FAAH2: variants seen among roughly 807,000 people sequenced by gnomAD.
The protein encoded by FAAH2 is fatty-acid amide hydrolase 2.
Under a neutral mutation model 36.9 loss-of-function variants are expected in FAAH2, and 60 were observed. The ratio of observed to expected loss-of-function variants is 1.63; its 90% confidence interval spans 1.32 to 2.02. The LOEUF is 2.02. Among genes scored for constraint, FAAH2 ranks in the 30% most tolerant of loss-of-function variants. The probability of loss-of-function intolerance (pLI) is 0.00; values close to 1 mark genes in which losing one functional copy is unlikely to be tolerated. For synonymous variants in FAAH2, 214 were observed against 143.8 expected, an observed-to-expected ratio of 1.49 and a Z score of -3.49; for missense variants, 689 against 397.5, an observed-to-expected ratio of 1.73 and a Z score of -6.23.
chrX:57,443,451 A>G (rs1017863633), intron 8 of FAAH2, among the ~76,000 whole-genome samples: 1 of 111,398 alleles, frequency 9.0e-6, no homozygotes, highest in African/African-American at 3.3e-5. Flanking sequence ...CATGGTTTTC[A>G]GCTCCATGAG....
At chrX:57,188,469 T>C in the FAAH2 span, among the ~76,000 whole-genome samples, 2 of 110,813 alleles carry the variant, frequency 1.8e-5, no homozygotes, top group Non-Finnish European at 1.9e-5. Context: ...TTTATTAGTC[T>C]GGCTAGTGGT....
rs779096687 is a variant in FAAH2 at position 57,380,979 on chromosome X, T to A, written c.946T>A (p.Ser316Thr). ...TTACTGGATGGAACATGATGGAGGC[T>A]CATTTTTAATGTCCAAAGTGGACCA... Reference protein sequence around the residue: ...KFYWMEHDGGSFLMSKVDQDL... With the variant: ...KFYWMEHDGGTFLMSKVDQDL... Residue 316 changes from serine to threonine, a missense_variant, in exon 7 of 11, where the codon TCA (serine) becomes ACA (threonine). Ser to Thr is a moderately conservative substitution (Grantham distance 58, BLOSUM62 1). Transcript: ENST00000374900. 6.7e-6 allele frequency: 8 copies of A among 1,198,357 alleles called. No homozygotes were observed. The highest frequency in any genetic ancestry group is 9.0e-6 in the Non-Finnish European group (8 of 889,487).
At chrX:57,304,891 A>G (rs754045895) in intron 2 of FAAH2, among the ~76,000 whole-genome samples, 90 of 111,912 alleles carry the variant, frequency 8.0e-4, no homozygotes, top group Non-Finnish European at 1.4e-3. Context: ...TGGCACATAA[A>G]ATAGACTCAG....
At chrX:57,344,661 T>C (rs1382749059) in intron 5 of FAAH2, among the ~76,000 whole-genome samples, 5 of 111,205 alleles carry the variant, frequency 4.5e-5, no homozygotes, top group Non-Finnish European at 9.4e-5. Context: ...TTTGTCTTAC[T>C]GCAGGTCTCA....
At chrX:57,157,907 G>A in the FAAH2 span, among the ~76,000 whole-genome samples, 1 of 109,962 alleles carries the variant, frequency 9.1e-6, no homozygotes, top group Non-Finnish European at 1.9e-5. Context: ...GTGCAGGTTT[G>A]TTACATATTT....
At chrX:57,136,929 C>T in the FAAH2 span, 13 of 757,286 alleles carry the variant, frequency 1.7e-5, no homozygotes, top group East Asian at 4.6e-5. Flanking sequence ...CCCTGCAAAG[C>T]GGCCTTGACC....
chrX:57,415,366 C>T (rs1431075111), intron 7 of FAAH2, among the ~76,000 whole-genome samples: 1 of 111,792 alleles, frequency 8.9e-6, no homozygotes, highest in Admixed American at 9.5e-5. Flanking sequence ...GCATTTAGTG[C>T]TATAAATTTC....
chrX:57,486,074 G>A, intron 10 of FAAH2, among the ~76,000 whole-genome samples: 2 of 111,515 alleles, frequency 1.8e-5, no homozygotes, highest in Middle Eastern at 9.3e-3. Flanking sequence ...AGTGCTGATG[G>A]CTATCCTTTG....
At chrX:57,338,250 G>A (rs1467387889) in intron 4 of FAAH2, among the ~76,000 whole-genome samples, 4 of 111,475 alleles carry the variant, frequency 3.6e-5, no homozygotes, top group Admixed American at 9.6e-5. Flanking sequence ...GTTCTCTGGC[G>A]GGCAGGAGTG....
chrX:57,222,725 G>C, the FAAH2 span, among the ~76,000 whole-genome samples: 1 of 111,784 alleles, frequency 8.9e-6, no homozygotes, highest in East Asian at 2.8e-4. Context: ...TCTAAACACA[G>C]CCATGCTCTT....
At chrX:57,466,511 C>A (rs1446319321) in intron 10 of FAAH2, among the ~76,000 whole-genome samples, 1 of 107,437 alleles carries the variant, frequency 9.3e-6, no homozygotes, top group African/African-American at 3.4e-5. Context: ...AAACATGTAG[C>A]AAATCAGGTA....
chrX:57,451,613 A>C (rs981488559), intron 10 of FAAH2, among the ~76,000 whole-genome samples: 2 of 111,510 alleles, frequency 1.8e-5, no homozygotes, highest in African/African-American at 6.5e-5. Flanking sequence ...ACAATGGTCC[A>C]CGCAGTACGA....
the FAAH2 span, among the ~76,000 whole-genome samples, chrX:57,124,520 G>GT: frequency 1.8e-5 from 2 of 111,923 alleles, no homozygotes; most frequent in Non-Finnish European, 3.8e-5. Context: ...CTTTAAAGCA[G>GT]TTTTTTCCAA....
chrX:57,193,070 AC>A, the FAAH2 span, among the ~76,000 whole-genome samples: 2 of 112,231 alleles, frequency 1.8e-5, no homozygotes, highest in African/African-American at 6.5e-5. Flanking sequence ...AACTCTGACC[AC>A]TGGTGAGCTG....
At position 57,331,579 on chromosome X, in the gene FAAH2, T is replaced by C. The variant is rs758537000; in HGVS notation, c.413-19T>C. ...TTTATTTAATAATTTTTAAACATTCTTTTCTGTGACTCTTTTAGGAATGCC... is the reference window on the plus strand; with the variant it reads ...TTTATTTAATAATTTTTAAACATTCCTTTCTGTGACTCTTTTAGGAATGCC... On this transcript the variant is annotated intron_variant, in intron 3 of 10. Transcript: ENST00000374900. 19 of 1,184,571 alleles carry C rather than the reference T, an allele frequency of 1.6e-5. No homozygotes were observed. Among genetic ancestry groups the C allele is most frequent in the Admixed American group, 4.6e-5 (2 of 43,068 alleles).
At chrX:57,261,571 A>AAAAAG in the FAAH2 span, among the ~76,000 whole-genome samples, 1 of 108,024 alleles carries the variant, frequency 9.3e-6, no homozygotes, top group African/African-American at 3.3e-5. Flanking sequence ...AAAAAAAAAA[A>AAAAAG]AAAAGAAAAA....
At chrX:57,150,245 G>T in the FAAH2 span, among the ~76,000 whole-genome samples, 2 of 111,977 alleles carry the variant, frequency 1.8e-5, no homozygotes, top group East Asian at 5.6e-4. Flanking sequence ...TGTTGATTTG[G>T]GGTGGAGAGT....
chrX:57,448,835 T>C, intron 10 of FAAH2, 117 bp downstream of exon 10: 1 of 691,174 alleles, frequency 1.4e-6, no homozygotes, highest in South Asian at 2.8e-5. Flanking sequence ...GGTATAAAAG[T>C]GCTGTGTGAT....
Position 57,287,063 on chromosome X carries a change from A to G in FAAH2, c.192+46A>G, listed in dbSNP as rs1308409841. The G allele has an allele frequency of 3.7e-6, 4 of 1,087,849 alleles. No homozygotes were observed. In the Admixed American group the frequency reaches 1.2e-4, roughly 34 times the overall value. The allele number at this position is 1,087,849 out of a possible 1,213,427, so 89.7% of individuals were successfully genotyped here. A position where few individuals can be genotyped will look rare whatever the true frequency, so the allele number is the denominator to read the frequency against. ...AGGCTGGAGGGACAGGTCTTTTAGCAGGATCCAGGAAGCTTAGTGGTGGCG... is the reference window on the plus strand; with the variant it reads ...AGGCTGGAGGGACAGGTCTTTTAGCGGGATCCAGGAAGCTTAGTGGTGGCG... On this transcript the variant is annotated intron_variant, in intron 1 of 10. Transcript: ENST00000374900.
Sources: allele counts gnomAD v4.1 joint callset (sites outside exome capture counted in the v4.1 genomes callset), GRCh38; gene constraint gnomAD v4.1.1; transcripts MANE v1.5; gene names NCBI Gene and HGNC (gene_info 2026-07-23, HGNC 2026-07-21).